The following ZNF438 variants were observed in gnomAD, a reference collection of about 807,000 sequenced individuals.
The protein encoded by ZNF438 is zinc finger protein 438.
ZNF438 carries 25 observed loss-of-function variants against 38.0 expected under a neutral mutation model. That is an observed-to-expected ratio of 0.66 (90% confidence interval 0.48 to 0.92). The LOEUF (loss-of-function observed/expected upper bound fraction) is 0.92. ZNF438 is among the 40% of genes least tolerant of loss of function. The probability of loss-of-function intolerance (pLI) is 0.00; values close to 1 mark genes in which losing one functional copy is unlikely to be tolerated. For missense variants in ZNF438, 1,007 were observed against 999.6 expected (o/e 1.01, Z -0.10); for synonymous variants, 372 against 364.1 (o/e 1.02, Z -0.25).
At chr10:30,993,677 A>G (rs1474705866) in intron 1 of ZNF438, among the ~76,000 whole-genome samples, 1 of 152,248 alleles carries the variant, frequency 6.6e-6, no homozygotes, top group Non-Finnish European at 1.5e-5. Flanking sequence ...CAGAGTCCCC[A>G]CTAAAGTAAT....
At chr10:30,915,607 A>T (rs892648569) in intron 2 of ZNF438, among the ~76,000 whole-genome samples, 9 of 151,832 alleles carry the variant, frequency 5.9e-5, no homozygotes, top group Non-Finnish European at 1.3e-4. Flanking sequence ...TTTAATGAAA[A>T]ATATTCACAG....
At chr10:30,856,239 C>T (rs1704797115) in intron 4 of ZNF438, among the ~76,000 whole-genome samples, 1 of 152,104 alleles carries the variant, frequency 6.6e-6, no homozygotes, top group African/African-American at 2.4e-5. Flanking sequence ...AAGTTAAGCA[C>T]TGAGAAGTAT....
intron 4 of ZNF438, among the ~76,000 whole-genome samples, chr10:30,873,915 G>A (rs2037894455): frequency 6.6e-6 from 1 of 151,938 alleles, no homozygotes; most frequent in Non-Finnish European, 1.5e-5. Context: ...TAATACGTGT[G>A]TATGTGTTTA....
intron 1 of ZNF438, among the ~76,000 whole-genome samples, chr10:30,983,875 A>G (rs1386100196): frequency 6.6e-6 from 1 of 152,206 alleles, no homozygotes; most frequent in Non-Finnish European, 1.5e-5. Context: ...CTTCCTATAC[A>G]CCCTTCATCC....
At chr10:30,943,928 G>C (rs73252649) in intron 1 of ZNF438, among the ~76,000 whole-genome samples, 10,745 of 152,062 alleles carry the variant, frequency 0.071, 1,247 homozygotes, top group African/African-American at 0.24. Flanking sequence ...TAAATTTCTA[G>C]GGAAGTGAAG....
chr10:30,977,723 G>A (rs996933650), intron 1 of ZNF438, among the ~76,000 whole-genome samples: 3 of 152,262 alleles, frequency 2.0e-5, no homozygotes, highest in East Asian at 1.9e-4. Flanking sequence ...GGTGGCTCAC[G>A]TCTGTAATAC....
intron 1 of ZNF438, among the ~76,000 whole-genome samples, chr10:30,989,971 C>T (rs2053297070): frequency 6.6e-6 from 1 of 152,180 alleles, no homozygotes; most frequent in Non-Finnish European, 1.5e-5. Flanking sequence ...AACAGTAGGG[C>T]TTCTAAGAGA....
chr10:30,922,184 G>GT (rs2044376077), intron 2 of ZNF438, among the ~76,000 whole-genome samples: 1 of 152,200 alleles, frequency 6.6e-6, no homozygotes, highest in South Asian at 2.1e-4. Context: ...TGTTAAAGAC[G>GT]TATCTCTCTG....
chr10:30,964,107 C>T (rs951257631), intron 1 of ZNF438, among the ~76,000 whole-genome samples: 9 of 152,096 alleles, frequency 5.9e-5, no homozygotes, highest in African/African-American at 1.9e-4. Flanking sequence ...AAATAAGGAA[C>T]AAATAAGTCA....
At chr10:30,903,586 C>T (rs933747413) in intron 3 of ZNF438, among the ~76,000 whole-genome samples, 2 of 152,200 alleles carry the variant, frequency 1.3e-5, no homozygotes, top group African/African-American at 4.8e-5. Flanking sequence ...CAGATGATCT[C>T]TACAGCACTG....
chr10:30,910,441 C>T (rs556340345), intron 2 of ZNF438: 1 of 152,158 alleles, frequency 6.6e-6, no homozygotes, highest in African/African-American at 2.4e-5. Context: ...GATGAGCTTC[C>T]TATAGCCATA....
chr10:30,844,808 T>C (rs2031485945), exon 6 of ZNF438: 1 of 989,220 alleles, frequency 1.0e-6, no homozygotes, highest in East Asian at 2.4e-5. Flanking sequence ...TTTTATTTCG[T>C]TAAGAAAATA....
chr10:30,960,070 T>C (rs2049301509), intron 1 of ZNF438, among the ~76,000 whole-genome samples: 1 of 147,290 alleles, frequency 6.8e-6, no homozygotes, highest in Admixed American at 6.8e-5. Context: ...TATTAATCAC[T>C]CTCATGTCTT....
At chr10:31,030,177 T>C (rs536876952) in intron 1 of ZNF438, among the ~76,000 whole-genome samples, 57 of 152,214 alleles carry the variant, frequency 3.7e-4, no homozygotes, top group Admixed American at 1.1e-3. Flanking sequence ...CTCAGGCTCT[T>C]TCCCTCACAC....
intron 3 of ZNF438, among the ~76,000 whole-genome samples, chr10:30,904,016 T>TA (rs71527619): frequency 0.26 from 37,244 of 142,896 alleles, 5,071 homozygotes; most frequent in Middle Eastern, 0.34. Flanking sequence ...ATGCCACAGT[T>TA]AAAAAAAAAA....
At chr10:30,867,318 ATTAT>A (rs1254307312) in intron 4 of ZNF438, among the ~76,000 whole-genome samples, 1 of 98,234 alleles carries the variant, frequency 1.0e-5, no homozygotes, top group Non-Finnish European at 2.2e-5. Context: ...CAGTCTTCTC[ATTAT>A]TTTTTTTGCT....
chr10:31,031,239 A>G (rs915552520), intron 1 of ZNF438, among the ~76,000 whole-genome samples: 3 of 152,218 alleles, frequency 2.0e-5, no homozygotes, highest in African/African-American at 7.2e-5. Flanking sequence ...GCTTTCTCCT[A>G]GCAAATTTAC....
rs775426827 is a variant in ZNF438 at position 30,848,770 on chromosome 10, T to C, written c.1635A>G (p.Val545=). 3 of 1,614,242 alleles carry C rather than the reference T, an allele frequency of 1.9e-6. No individual in the cohort carries two copies. In the East Asian group the frequency reaches 6.7e-5, roughly 36 times the overall value. Residue 545 remains valine, a synonymous_variant, in exon 5 of 6, where the codon GTA becomes GTG. Coordinates refer to ENST00000413025, the Ensembl canonical transcript of ZNF438. ...TGTGTGTGCTCAGGCTGCCAGGACG[T>C]ACATAGGACTTGCGACAAATCCGAC...
At chr10:31,005,442 A>T (rs1382682657) in intron 1 of ZNF438, among the ~76,000 whole-genome samples, 2 of 152,172 alleles carry the variant, frequency 1.3e-5, no homozygotes, top group Non-Finnish European at 2.9e-5. Context: ...GTGGAATCTT[A>T]AAAAAAGAAA....
Sources: gnomAD v4.1 joint callset for allele counts (sites outside exome capture counted in the v4.1 genomes callset) on GRCh38, gnomAD v4.1.1 for gene constraint, MANE v1.5 for transcripts, NCBI Gene and HGNC (gene_info 2026-07-23, HGNC 2026-07-21) for gene names.